The following NLGN1 variants were observed in gnomAD, a reference collection of about 807,000 sequenced individuals.
The protein encoded by NLGN1 is neuroligin-1.
A neutral mutation model predicts 65.5 loss-of-function variants in NLGN1; 12 were observed. The observed-to-expected ratio is 0.18, with a 90% CI of 0.12 to 0.30. The LOEUF is 0.30. NLGN1 is among the 10% of genes least tolerant of loss of function. The pLI is 1.00. For synonymous variants in NLGN1, 350 were observed against 359.5 expected (o/e 0.97, Z 0.30); for missense variants, 750 against 1,007.1 (o/e 0.74, Z 3.46).
At chr3:173,979,363 G>T (rs1215810401) in intron 4 of NLGN1, among the ~76,000 whole-genome samples, 2 of 152,080 alleles carry the variant, frequency 1.3e-5, no homozygotes, top group Non-Finnish European at 2.9e-5. Flanking sequence ...AAATATTAAA[G>T]ATACATAAAA....
chr3:173,781,286 G>A (rs1022091680), intron 3 of NLGN1, among the ~76,000 whole-genome samples: 1 of 152,038 alleles, frequency 6.6e-6, no homozygotes, highest in Non-Finnish European at 1.5e-5. Flanking sequence ...GGAAATATCT[G>A]TGTATATTTA....
chr3:173,830,529 T>C (rs781482481), intron 4 of NLGN1, among the ~76,000 whole-genome samples: 15 of 152,184 alleles, frequency 9.9e-5, no homozygotes, highest in Non-Finnish European at 2.1e-4. Flanking sequence ...ATCCATCTAT[T>C]TGGGACACAT....
In NLGN1 at chr3:173,915,387, A is replaced by G. The variant is rs1740527728; in HGVS notation, c.646+107555A>G. Reference sequence around the variant, plus strand: ...TCTACAAGGATGTCAGGGCAAAACAAATTTACATTAAAAACATTGTTTACT... The same window carrying G: ...TCTACAAGGATGTCAGGGCAAAACAGATTTACATTAAAAACATTGTTTACT... On this transcript the variant is annotated intron_variant, in intron 4 of 6. Transcript: ENST00000457714. Among the ~76,000 whole-genome samples the G allele has an allele frequency of 2.0e-5, 3 of 152,336 alleles. No individual in the cohort carries two copies. In the South Asian group the frequency reaches 6.2e-4, roughly 32 times the overall value.
chr3:174,129,702 T>C (rs939997814), intron 4 of NLGN1, among the ~76,000 whole-genome samples: 1 of 152,202 alleles, frequency 6.6e-6, no homozygotes, highest in Non-Finnish European at 1.5e-5. Context: ...ATTAAGTCCT[T>C]ATCATTGTAT....
Position 173,616,817 on chromosome 3 carries a change from T to A in NLGN1, c.493+11726T>A, listed in dbSNP as rs865946025. Reference sequence around the variant, plus strand: ...TCTCTTCTACACATAGCAGCCAGTGTGATCTTTGCTTTAAAGTCTGAAATC... The same window carrying A: ...TCTCTTCTACACATAGCAGCCAGTGAGATCTTTGCTTTAAAGTCTGAAATC... On this transcript the variant is annotated intron_variant, in intron 3 of 6. Transcript: ENST00000457714. Among the ~76,000 whole-genome samples, 15 of 152,220 alleles carry A rather than the reference T, an allele frequency of 9.9e-5. 1 individual carries two copies. The highest frequency in any genetic ancestry group is 3.3e-4 in the Admixed American group (5 of 15,268).
chr3:174,157,441 T>C (rs910481188), intron 4 of NLGN1, among the ~76,000 whole-genome samples: 1 of 151,812 alleles, frequency 6.6e-6, no homozygotes, highest in Admixed American at 6.6e-5. Context: ...ATGAAAGGTT[T>C]TTAAAAAAAT....
chr3:174,199,324 G>C (rs1195763899), intron 4 of NLGN1, among the ~76,000 whole-genome samples: 1 of 151,628 alleles, frequency 6.6e-6, no homozygotes, highest in Admixed American at 6.6e-5. Flanking sequence ...AAACATAAAG[G>C]ATTTGAGACA....
chr3:174,099,428 G>T (rs1383446546), intron 4 of NLGN1, among the ~76,000 whole-genome samples: 1 of 152,110 alleles, frequency 6.6e-6, no homozygotes, highest in East Asian at 1.9e-4. Flanking sequence ...GTCAATTTTA[G>T]TTGATATTGC....
At chr3:174,173,242 T>C (rs1397161755) in intron 4 of NLGN1, among the ~76,000 whole-genome samples, 1 of 152,090 alleles carries the variant, frequency 6.6e-6, no homozygotes, top group Non-Finnish European at 1.5e-5. Context: ...TATGAGATCA[T>C]ATCATCTGCA....
At chr3:174,041,250 C>A (rs1388011678) in intron 4 of NLGN1, among the ~76,000 whole-genome samples, 1 of 152,068 alleles carries the variant, frequency 6.6e-6, no homozygotes, top group Non-Finnish European at 1.5e-5. Context: ...TGCACTTCTT[C>A]CTGTAAGGCT....
intron 3 of NLGN1, among the ~76,000 whole-genome samples, chr3:173,612,995 A>G (rs1242111351): frequency 6.6e-6 from 1 of 152,124 alleles, no homozygotes; most frequent in Non-Finnish European, 1.5e-5. Context: ...ATTATGGCAC[A>G]ACCTAATGAC....
chr3:173,539,749 T>TATACATATAGGTACATAC (rs1560407194), intron 2 of NLGN1, among the ~76,000 whole-genome samples: 1 of 143,246 alleles, frequency 7.0e-6, no homozygotes, highest in African/African-American at 2.6e-5. Flanking sequence ...TATGTACATA[T>TATACATATAGGTACATAC]ATAACATATA....
chr3:173,423,050 G>A (rs1267821386), intron 1 of NLGN1, among the ~76,000 whole-genome samples: 2 of 152,090 alleles, frequency 1.3e-5, no homozygotes, highest in African/African-American at 4.8e-5. Flanking sequence ...CATGGTAGAG[G>A]GCGAAGGAGA....
At chr3:173,567,087 T>C (rs1743810110) in intron 2 of NLGN1, among the ~76,000 whole-genome samples, 1 of 152,192 alleles carries the variant, frequency 6.6e-6, no homozygotes, top group Admixed American at 6.5e-5. Flanking sequence ...CCTATTCTTC[T>C]TAAAATACCT....
chr3:173,715,831 C>T (rs920252297), intron 3 of NLGN1, among the ~76,000 whole-genome samples: 7 of 152,008 alleles, frequency 4.6e-5, no homozygotes, highest in Middle Eastern at 3.4e-3. Context: ...AAATCCTTGT[C>T]CTGTTTATAC....
At chr3:173,934,802 G>T (rs1744755816) in intron 4 of NLGN1, among the ~76,000 whole-genome samples, 1 of 151,886 alleles carries the variant, frequency 6.6e-6, no homozygotes, top group Non-Finnish European at 1.5e-5. Context: ...CCATACCTTT[G>T]TCACTCACAT....
At chr3:173,574,580 T>G (rs1263195191) in intron 2 of NLGN1, among the ~76,000 whole-genome samples, 1 of 152,170 alleles carries the variant, frequency 6.6e-6, no homozygotes, top group African/African-American at 2.4e-5. Context: ...GGCAGGCACC[T>G]TACTAAAGTC....
intron 4 of NLGN1, among the ~76,000 whole-genome samples, chr3:174,109,311 A>G: frequency 6.6e-6 from 1 of 151,908 alleles, no homozygotes; most frequent in East Asian, 1.9e-4. Flanking sequence ...ATTTTCCCTC[A>G]TACTTATTTG....
chr3:173,963,981 A>G (rs1420124102), intron 4 of NLGN1, among the ~76,000 whole-genome samples: 1 of 152,134 alleles, frequency 6.6e-6, no homozygotes, highest in African/African-American at 2.4e-5. Context: ...GAGAGACTAC[A>G]ACACATTTAT....
Sources: gnomAD v4.1 joint callset for allele counts (sites outside exome capture counted in the v4.1 genomes callset) on GRCh38, gnomAD v4.1.1 for gene constraint, MANE v1.5 for transcripts, NCBI Gene and HGNC (gene_info 2026-07-23, HGNC 2026-07-21) for gene names.